ABCA12: variants seen among roughly 807,000 people sequenced by gnomAD.
ABCA12 encodes the protein ATP binding cassette subfamily A member 12, also known as glucosylceramide transporter ABCA12.
ABCA12 carries 156 observed loss-of-function variants against 293.5 expected under a neutral mutation model. That is an observed-to-expected ratio of 0.53 (90% CI 0.47 to 0.61). The LOEUF (loss-of-function observed/expected upper bound fraction) is 0.61, where lower values mean the gene tolerates loss of function less well. Among genes scored for constraint, ABCA12 ranks in the 20% least tolerant of loss-of-function variants. ABCA12 has a pLI of 0.00. For missense variants in ABCA12, 2,797 were observed against 3,090.2 expected (o/e 0.91, Z 2.25); for synonymous variants, 1,063 against 1,108.0 (o/e 0.96, Z 0.81).
rs780319554 is a variant in ABCA12 at position 215,011,659 on chromosome 2, A to C, written c.2122-10T>G. ...TGCTTCTGTACATTGCCTGTGAGACAAAAATCCACAATTTATTGACACTAT... is the reference window on the plus strand; with the variant it reads ...TGCTTCTGTACATTGCCTGTGAGACCAAAATCCACAATTTATTGACACTAT... On this transcript the variant is annotated splice_polypyrimidine_tract_variant and intron_variant, in intron 16 of 52. Transcript: ENST00000272895. 3.1e-6 allele frequency: 5 copies of C among 1,613,084 alleles called. No individual in the cohort carries two copies. Among genetic ancestry groups the C allele is most frequent in the Non-Finnish European group, 4.2e-6 (5 of 1,179,218 alleles).
In ABCA12 at chr2:214,953,982, T is replaced by G. The variant is rs772512151; in HGVS notation, c.6519A>C (p.Gly2173=). 6.2e-7 allele frequency: 1 copy of G among 1,614,102 alleles called. No homozygotes were observed. The highest frequency in any genetic ancestry group is 1.1e-5 in the South Asian group (1 of 91,082). ...QSVLDFLKAY[G]VEYPNETFEM... ...CAAAGGTTTCATTTGGGTATTCCAC[T>G]CCATATGCTTTTAAGAAGTCTAGGA... is the stretch of plus-strand genomic sequence containing the variant. Residue 2173 remains glycine (G), a synonymous_variant, in exon 44 of 53, where the codon GGA becomes GGC. Transcript: ENST00000272895.
intron 22 of ABCA12, among the ~76,000 whole-genome samples, chr2:214,999,251 C>CA (rs1458965762): frequency 1.3e-5 from 2 of 152,150 alleles, no homozygotes; most frequent in African/African-American, 2.4e-5. Context: ...CAAAGGCCTT[C>CA]ATTCATTAAC....
At chr2:215,015,256 C>G (rs1056604381) in intron 15 of ABCA12, among the ~76,000 whole-genome samples, 2 of 82,808 alleles carry the variant, frequency 2.4e-5, no homozygotes, top group Middle Eastern at 5.2e-3. Flanking sequence ...AATAATTGGT[C>G]TCTGATACAC....
At chr2:215,046,141 A>C (rs1701198035) in intron 6 of ABCA12, 126 bp from the exon 7 acceptor site, 1 of 888,342 alleles carries the variant, frequency 1.1e-6, no homozygotes, top group Non-Finnish European at 1.7e-6. Flanking sequence ...ACCTTCACTC[A>C]GTTTGAAGCC....
At position 214,955,306 on chromosome 2, in the gene ABCA12, T is replaced by C. The variant is rs1698910257; in HGVS notation, c.6289A>G (p.Met2097Val). The C allele has an allele frequency of 6.2e-7, 1 of 1,614,150 alleles. No individual in the cohort carries two copies. Among genetic ancestry groups the C allele is most frequent in the Middle Eastern group, 1.6e-4 (1 of 6,062 alleles). Residue 2097 changes from methionine (M) to valine (V), a missense_variant, in exon 43 of 53, where the codon ATG becomes GTG. Met to Val is a conservative substitution (Grantham distance 21). Coordinates refer to ENST00000272895, the MANE Select transcript of ABCA12 (RefSeq NM_173076.3). ...ACACAGACGTAAGTGATGAAGGCCA[T>C]TCCTGTTTCATGGAAGAGCCCAGCC... is the stretch of plus-strand genomic sequence containing the variant. ...LLAGLFHETGMAFITYVCVNL... is the reference protein window; with the variant it reads ...LLAGLFHETGVAFITYVCVNL...
Position 214,970,269 on chromosome 2 carries a change from T to G in ABCA12, c.5690+4A>C, listed in dbSNP as rs759768965. The G allele has an allele frequency of 2.2e-5, 36 of 1,611,312 alleles. No individual in the cohort carries two copies. The highest frequency in any genetic ancestry group is 3.1e-5 in the Non-Finnish European group (36 of 1,178,808). ...TTAAATATGTTATAAACAGATTATT[T>G]TACCTTTTTTGGACAAACTCATTTG... On this transcript the variant is annotated splice_donor_region_variant and intron_variant, in intron 37 of 52. Transcript: ENST00000272895.
intron 3 of ABCA12, among the ~76,000 whole-genome samples, chr2:215,062,606 A>G (rs2888330): frequency 0.41 from 61,918 of 151,666 alleles, 13,046 homozygotes; most frequent in South Asian, 0.61. Context: ...CCCTTGCCAT[A>G]TTGCAACCGT....
intron 14 of ABCA12, among the ~76,000 whole-genome samples, chr2:215,016,321 C>T (rs1217458538): frequency 6.6e-6 from 1 of 151,152 alleles, no homozygotes; most frequent in African/African-American, 2.4e-5. Context: ...CGGTGGCTCA[C>T]GCCTCTAATC....
In ABCA12 at chr2:214,982,340, C is replaced by T. The variant is rs750082413; in HGVS notation, c.4426G>A (p.Val1476Ile). 2 of 1,614,062 alleles carry T rather than the reference C, an allele frequency of 1.2e-6. No individual in the cohort carries two copies. Among genetic ancestry groups the T allele is most frequent in the Admixed American group, 1.7e-5 (1 of 60,024 alleles). Residue 1476 changes from valine to isoleucine, a missense_variant, in exon 30 of 53, where the codon GTT becomes ATT. Transcript: ENST00000272895. ...TTCATGCCTCCTGACAGTGTTCCAA[C>T]TCTCTTATGACGATGGCTATATAGT... ...TGLYSHRHKRVGTLSGGMKRK... is the reference protein window; with the variant it reads ...TGLYSHRHKRIGTLSGGMKRK...
intron 7 of ABCA12, among the ~76,000 whole-genome samples, chr2:215,041,044 T>G (rs1455675035): frequency 6.6e-6 from 1 of 151,996 alleles, no homozygotes; most frequent in Non-Finnish European, 1.5e-5. Context: ...TACAAAAAAT[T>G]TGTTAAGCTA....
chr2:214,948,542 G>T, intron 47 of ABCA12, 54 bp downstream of exon 47: 2 of 1,590,970 alleles, frequency 1.3e-6, no homozygotes, highest in Middle Eastern at 1.7e-4. Context: ...GTGGGGGATG[G>T]AAGTAGAAAC....
At chr2:215,132,792 C>A (rs920729529) in intron 1 of ABCA12, among the ~76,000 whole-genome samples, 3 of 151,956 alleles carry the variant, frequency 2.0e-5, no homozygotes, top group Non-Finnish European at 4.4e-5. Flanking sequence ...TTAGCTAGTT[C>A]TTTTGAGGTT....
Position 214,978,797 on chromosome 2 carries a change from G to T in ABCA12, c.4977+7C>A. ...CTTGAAGAAAAAAAAGAAATATTGA[G>T]GTATACCTCCTCCACGGTGGTATCT... On this transcript the variant is annotated splice_region_variant and intron_variant, in intron 32 of 52. Coordinates refer to ENST00000272895, the MANE Select transcript of ABCA12 (RefSeq NM_173076.3). 1 of 1,609,558 alleles carries T rather than the reference G, an allele frequency of 6.2e-7. No homozygotes were observed. Among genetic ancestry groups the T allele is most frequent in the Non-Finnish European group, 8.5e-7 (1 of 1,175,928 alleles).
Position 215,133,149 on chromosome 2 carries a change from A to ATTTTTTTT in ABCA12, c.69+4983_69+4990dup, listed in dbSNP as rs55641331. On this transcript the variant is annotated intron_variant, in intron 1 of 52. Coordinates refer to ENST00000272895, the MANE Select transcript of ABCA12 (RefSeq NM_173076.3). The stretch of plus-strand genomic sequence containing the variant: ...TGACTCTTTTCTCTAGCTGGCTTTA[A>ATTTTTTTT]TTTTTTTTTTTTTTTTTTTTTTTTT... Among the ~76,000 whole-genome samples, 9 of 34,882 alleles carry ATTTTTTTT rather than the reference A, an allele frequency of 2.6e-4. 1 individual carries two copies. Among genetic ancestry groups the ATTTTTTTT allele is most frequent in the East Asian group, 3.3e-3 (2 of 612 alleles). 22.9% of individuals were successfully genotyped at this position (34,882 alleles called of 152,430 possible).
chr2:215,018,914 C>T (rs575671842), intron 13 of ABCA12, among the ~76,000 whole-genome samples: 15 of 152,180 alleles, frequency 9.9e-5, no homozygotes, highest in African/African-American at 3.1e-4. Flanking sequence ...TGCATGATAC[C>T]TCATGCTTGG....
At chr2:215,114,262 C>T (rs181288065) in intron 1 of ABCA12, among the ~76,000 whole-genome samples, 15 of 152,282 alleles carry the variant, frequency 9.9e-5, no homozygotes, top group Admixed American at 3.9e-4. Context: ...CGTTAGTCAC[C>T]GCACCCGGCC....
chr2:215,095,110 T>C (rs1702223977), intron 2 of ABCA12, among the ~76,000 whole-genome samples: 1 of 152,140 alleles, frequency 6.6e-6, no homozygotes, highest in Non-Finnish European at 1.5e-5. Flanking sequence ...TTATTATGAA[T>C]ACAAGACGAC....
chr2:215,119,983 A>C (rs562941734), intron 1 of ABCA12, among the ~76,000 whole-genome samples: 1 of 152,288 alleles, frequency 6.6e-6, no homozygotes, highest in Admixed American at 6.5e-5. Context: ...TCACCATGCT[A>C]CTCACAATAG....
intron 50 of ABCA12, among the ~76,000 whole-genome samples, chr2:214,938,836 C>A (rs2105912774): frequency 1.3e-5 from 2 of 152,044 alleles, no homozygotes; most frequent in South Asian, 4.1e-4. Flanking sequence ...TGTTTAAGTT[C>A]TTTGTAGATT....
Sources: allele counts gnomAD v4.1 joint callset (sites outside exome capture counted in the v4.1 genomes callset), GRCh38; gene constraint gnomAD v4.1.1; transcripts MANE v1.5; gene names NCBI Gene and HGNC (gene_info 2026-07-23, HGNC 2026-07-21).